RBFOX1: variants seen among roughly 807,000 people sequenced by gnomAD.
RBFOX1 encodes RNA binding fox-1 homolog 1.
In RBFOX1, 8 loss-of-function variants were observed where a neutral mutation model predicts 57.7. That is an observed-to-expected ratio of 0.14 (90% confidence interval 0.08 to 0.25). The LOEUF is 0.25. Among genes scored for constraint, RBFOX1 ranks in the 10% least tolerant of loss-of-function variants. The pLI is 1.00. For missense variants in RBFOX1, 611 were observed against 548.5 expected, an observed-to-expected ratio of 1.11 and a Z score of -1.14; for synonymous variants, 326 against 222.4, an observed-to-expected ratio of 1.47 and a Z score of -4.15.
chr16:5,595,265 G>A (rs1478857159), intron 2 of RBFOX1, among the ~76,000 whole-genome samples: 1 of 152,184 alleles, frequency 6.6e-6, no homozygotes, highest in Non-Finnish European at 1.5e-5. Context: ...GCTGACACCA[G>A]CCCATGACAA....
chr16:5,817,548 T>A (rs1385394502), intron 3 of RBFOX1, among the ~76,000 whole-genome samples: 1 of 151,924 alleles, frequency 6.6e-6, no homozygotes, highest in Non-Finnish European at 1.5e-5. Context: ...CTGACTAATG[T>A]TTGGGAAGAT....
chr16:5,380,586 T>G (rs1237329545), intron 1 of RBFOX1, among the ~76,000 whole-genome samples: 1 of 152,218 alleles, frequency 6.6e-6, no homozygotes, highest in Middle Eastern at 3.2e-3. Flanking sequence ...GTGAAAGCAT[T>G]GCTAATTCCC....
At chr16:5,856,575 G>GTATATATA (rs375112636) in intron 3 of RBFOX1, among the ~76,000 whole-genome samples, 543 of 32,902 alleles carry the variant, frequency 0.017, 39 homozygotes, top group Middle Eastern at 0.037. Flanking sequence ...GTGTGTGTGT[G>GTATATATA]TATATATATA....
intron 3 of RBFOX1, among the ~76,000 whole-genome samples, chr16:6,803,987 T>C (rs79929147): frequency 6.6e-6 from 1 of 152,070 alleles, no homozygotes; most frequent in Admixed American, 6.6e-5. Context: ...GAAGCTAAAC[T>C]GTATAGTACA....
chr16:6,712,488 G>A (rs577207280), intron 3 of RBFOX1, among the ~76,000 whole-genome samples: 2 of 152,134 alleles, frequency 1.3e-5, no homozygotes, highest in East Asian at 1.9e-4. Context: ...TTTTCTCCCA[G>A]TTTTTTCCAT....
intron 3 of RBFOX1, among the ~76,000 whole-genome samples, chr16:6,962,304 A>T (rs1046013238): frequency 6.6e-6 from 1 of 152,196 alleles, no homozygotes; most frequent in Non-Finnish European, 1.5e-5. Flanking sequence ...AATTCAGGAC[A>T]ATCTCATCTT....
intron 1 of RBFOX1, among the ~76,000 whole-genome samples, chr16:6,102,363 G>T (rs999200569): frequency 2.0e-5 from 3 of 152,108 alleles, no homozygotes; most frequent in African/African-American, 7.2e-5. Flanking sequence ...CTTTAACACT[G>T]TATAAACCCA....
intron 2 of RBFOX1, among the ~76,000 whole-genome samples, chr16:5,469,301 T>C (rs1293577670): frequency 1.3e-5 from 2 of 152,036 alleles, no homozygotes; most frequent in Admixed American, 6.5e-5. Context: ...GACAAGTCAT[T>C]TCAGGACTAG....
chr16:6,530,023 C>T (rs917444782), intron 2 of RBFOX1, among the ~76,000 whole-genome samples: 7 of 152,116 alleles, frequency 4.6e-5, no homozygotes, highest in Non-Finnish European at 1.0e-4. Flanking sequence ...ATGTCTCTGT[C>T]ATTTTCTCTT....
intron 3 of RBFOX1, among the ~76,000 whole-genome samples, chr16:6,715,071 C>T (rs1465749702): frequency 6.6e-6 from 1 of 151,978 alleles, no homozygotes; most frequent in Non-Finnish European, 1.5e-5. Context: ...TGTTCCTTCT[C>T]CTAAAGTCTG....
rs554561134 is a variant in RBFOX1, at chr16:7,574,727, C to T, written c.271-5050C>T. Among the ~76,000 whole-genome samples, 30 of 152,236 alleles carry T rather than the reference C, an allele frequency of 2.0e-4. 1 individual carries two copies. The highest frequency in any genetic ancestry group is 1.9e-3 in the Admixed American group (29 of 15,292). ...TGAATGTTTATCTCCTTTGGCAGCA[C>T]ACTAACAGACACACCCAGGACCAAT... On this transcript the variant is annotated intron_variant, in intron 5 of 15. Transcript: ENST00000550418.
intron 1 of RBFOX1, among the ~76,000 whole-genome samples, chr16:5,307,644 C>T (rs1390932241): frequency 3.3e-5 from 5 of 152,134 alleles, no homozygotes. Flanking sequence ...ACACACATGT[C>T]TGAGGGTCTT....
intron 4 of RBFOX1, among the ~76,000 whole-genome samples, chr16:7,517,431 T>G (rs937001287): frequency 3.3e-5 from 5 of 152,004 alleles, no homozygotes; most frequent in African/African-American, 1.2e-4. Context: ...TCCAATATTT[T>G]TCAGAAATGC....
chr16:6,429,057 C>T (rs2094006634), intron 2 of RBFOX1, among the ~76,000 whole-genome samples: 2 of 152,166 alleles, frequency 1.3e-5, no homozygotes, highest in African/African-American at 4.8e-5. Flanking sequence ...AGAAGGTGCG[C>T]CCCTCCCACT....
chr16:5,530,421 G>T (rs1195861247), intron 2 of RBFOX1, among the ~76,000 whole-genome samples: 1 of 152,182 alleles, frequency 6.6e-6, no homozygotes, highest in Non-Finnish European at 1.5e-5. Context: ...GCAGCTATTA[G>T]ATGGAGGAGT....
chr16:6,833,883 G>A (rs1603630255), intron 3 of RBFOX1, among the ~76,000 whole-genome samples: 1 of 152,142 alleles, frequency 6.6e-6, no homozygotes, highest in East Asian at 1.9e-4. Context: ...CACAGCTTGA[G>A]GAGGAGAGGA....
intron 2 of RBFOX1, among the ~76,000 whole-genome samples, chr16:5,546,690 G>C (rs752905627): frequency 2.0e-5 from 3 of 152,118 alleles, no homozygotes; most frequent in Non-Finnish European, 2.9e-5. Flanking sequence ...TGTGATGTTG[G>C]TTTAGGCAAA....
At chr16:5,569,652 C>A (rs1205918015) in intron 2 of RBFOX1, among the ~76,000 whole-genome samples, 70 of 151,800 alleles carry the variant, frequency 4.6e-4, no homozygotes, top group Admixed American at 4.5e-3. Context: ...ATGGTGGAAC[C>A]AGGAGTCTAA....
At chr16:6,796,547 C>T (rs2084098290) in intron 3 of RBFOX1, among the ~76,000 whole-genome samples, 1 of 152,172 alleles carries the variant, frequency 6.6e-6, no homozygotes, top group South Asian at 2.1e-4. Flanking sequence ...TCTATGAATT[C>T]ACTGCTTAAT....
Sources: allele counts gnomAD v4.1 joint callset (sites outside exome capture counted in the v4.1 genomes callset), GRCh38; gene constraint gnomAD v4.1.1; transcripts MANE v1.5; gene names NCBI Gene and HGNC (gene_info 2026-07-23, HGNC 2026-07-21).